Variants in PRKG1 observed in about 807,000 individuals in gnomAD.
PRKG1 encodes cGMP-dependent protein kinase 1.
PRKG1 carries 35 observed loss-of-function variants against 88.1 expected under a neutral mutation model. The observed-to-expected ratio is 0.40, with a 90% CI of 0.30 to 0.53. PRKG1 has a LOEUF of 0.53. Among genes scored for constraint, PRKG1 ranks in the 20% least tolerant of loss-of-function variants. The pLI, the probability that PRKG1 is intolerant of heterozygous loss-of-function variation, is 0.59. For missense variants in PRKG1, 540 were observed against 839.8 expected, an observed-to-expected ratio of 0.64 and a Z score of 4.41; for synonymous variants, 303 against 292.5, an observed-to-expected ratio of 1.04 and a Z score of -0.37.
rs869048560 is a variant in PRKG1 at position 51,819,006 on chromosome 10, C to CAAA, written c.698+14351_698+14353dup. 8.2e-4 allele frequency among the ~76,000 whole-genome samples: 15 copies of CAAA among 18,346 alleles called. 3 individuals carry two copies. Among genetic ancestry groups the CAAA allele is most frequent in the African/African-American group, 2.5e-3 (3 of 1,182 alleles). The allele number at this position is 18,346 out of a possible 152,430, so 12.0% of individuals were successfully genotyped here. Reference sequence around the variant, plus strand: ...TGGGCGACAGAGCGAGACTCCGTCTCAAAAAAAAAAAAAAAAAAAAAAAAA... The same window carrying CAAA: ...TGGGCGACAGAGCGAGACTCCGTCTCAAAAAAAAAAAAAAAAAAAAAAAAAAAA... On this transcript the variant is annotated intron_variant, in intron 4 of 17. Coordinates refer to ENST00000373980, the MANE Select transcript of PRKG1 (RefSeq NM_006258.4).
chr10:51,077,587 A>G (rs1843989781), intron 1 of PRKG1, among the ~76,000 whole-genome samples: 2 of 152,196 alleles, frequency 1.3e-5, no homozygotes, highest in South Asian at 4.1e-4. Flanking sequence ...ATGTAAATTA[A>G]CTTAATAACT....
intron 2 of PRKG1, among the ~76,000 whole-genome samples, chr10:51,284,662 G>A (rs1041814311): frequency 3.3e-5 from 5 of 152,076 alleles, no homozygotes; most frequent in African/African-American, 4.8e-5. Context: ...TAGCTTGGAA[G>A]CAAAAATACA....
chr10:51,972,102 T>A (rs1030309368), intron 5 of PRKG1, among the ~76,000 whole-genome samples: 2 of 152,150 alleles, frequency 1.3e-5, no homozygotes, highest in African/African-American at 4.8e-5. Context: ...CTGAAGTTAG[T>A]GCATGTTTTT....
intron 2 of PRKG1, among the ~76,000 whole-genome samples, chr10:51,240,678 A>G (rs576597996): frequency 1.3e-5 from 2 of 152,304 alleles, no homozygotes; most frequent in South Asian, 4.1e-4. Flanking sequence ...AGGGACCTGT[A>G]AAATATCAAA....
intron 3 of PRKG1, among the ~76,000 whole-genome samples, chr10:51,792,988 T>C (rs1838907861): frequency 6.6e-6 from 1 of 151,858 alleles, no homozygotes. Flanking sequence ...GACATTGCTG[T>C]ATAACCACAG....
At chr10:51,102,651 G>T (rs537420800) in intron 1 of PRKG1, among the ~76,000 whole-genome samples, 4 of 152,218 alleles carry the variant, frequency 2.6e-5, no homozygotes, top group East Asian at 3.9e-4. Context: ...AAACTCTAAA[G>T]GTTTTGACAT....
chr10:51,397,427 G>A (rs1278694276), intron 2 of PRKG1, among the ~76,000 whole-genome samples: 1 of 152,056 alleles, frequency 6.6e-6, no homozygotes, highest in Non-Finnish European at 1.5e-5. Context: ...ACCTTTTACA[G>A]GTTCACTAAA....
At chr10:51,150,429 A>G (rs917801123) in intron 1 of PRKG1, among the ~76,000 whole-genome samples, 3 of 152,278 alleles carry the variant, frequency 2.0e-5, no homozygotes, top group South Asian at 2.1e-4. Context: ...TCAGTCCTCA[A>G]TAGGAAAGGA....
chr10:51,920,918 C>T (rs1438328242), intron 5 of PRKG1, among the ~76,000 whole-genome samples: 1 of 152,076 alleles, frequency 6.6e-6, no homozygotes, highest in Admixed American at 6.6e-5. Context: ...CTATTTTTAA[C>T]ATGTTGCACT....
chr10:51,187,162 T>G (rs992148935), intron 2 of PRKG1, among the ~76,000 whole-genome samples: 8 of 151,610 alleles, frequency 5.3e-5, no homozygotes, highest in African/African-American at 1.9e-4. Flanking sequence ...TAATCTTGGC[T>G]TGGTATGAAT....
chr10:51,562,956 T>TATTTG (rs1554821916), intron 3 of PRKG1, among the ~76,000 whole-genome samples: 26 of 151,174 alleles, frequency 1.7e-4, no homozygotes, highest in Admixed American at 9.9e-4. Context: ...ATTTTTATTT[T>TATTTG]TATTTTAAAG....
intron 2 of PRKG1, among the ~76,000 whole-genome samples, chr10:51,153,842 G>A (rs1440016665): frequency 6.6e-6 from 1 of 152,030 alleles, no homozygotes; most frequent in East Asian, 1.9e-4. Context: ...AGGAATGATA[G>A]CTTGTTTCAT....
At chr10:51,047,135 G>T (rs1843499791) in intron 1 of PRKG1, among the ~76,000 whole-genome samples, 1 of 152,080 alleles carries the variant, frequency 6.6e-6, no homozygotes, top group African/African-American at 2.4e-5. Context: ...GTCACTTATT[G>T]GTCTTTTAGC....
At chr10:52,091,663 G>C (rs1396439229) in intron 7 of PRKG1, among the ~76,000 whole-genome samples, 1 of 152,196 alleles carries the variant, frequency 6.6e-6, no homozygotes, top group Non-Finnish European at 1.5e-5. Flanking sequence ...TCATCAGTGG[G>C]TTAAACAGTC....
intron 3 of PRKG1, among the ~76,000 whole-genome samples, chr10:51,514,742 G>C (rs1157013619): frequency 6.6e-6 from 1 of 152,230 alleles, no homozygotes; most frequent in African/African-American, 2.4e-5. Flanking sequence ...TTCAGGAAGA[G>C]ATGGTCAAGA....
intron 3 of PRKG1, among the ~76,000 whole-genome samples, chr10:51,548,017 A>G (rs563256022): frequency 6.6e-6 from 1 of 152,226 alleles, no homozygotes; most frequent in East Asian, 1.9e-4. Flanking sequence ...CTTAATAGTT[A>G]TCCGTACAAA....
chr10:51,767,763 T>C (rs577910828), intron 3 of PRKG1, among the ~76,000 whole-genome samples: 1 of 152,294 alleles, frequency 6.6e-6, no homozygotes, highest in African/African-American at 2.4e-5. Context: ...CATCATTTTA[T>C]TAGAGGCAAA....
At chr10:51,568,052 C>G (rs922050784) in intron 3 of PRKG1, among the ~76,000 whole-genome samples, 1 of 151,946 alleles carries the variant, frequency 6.6e-6, no homozygotes, top group Non-Finnish European at 1.5e-5. Context: ...GGCTGCTAAT[C>G]TGGAAAGAGA....
At chr10:51,309,865 T>C (rs778686496) in intron 2 of PRKG1, among the ~76,000 whole-genome samples, 4 of 152,174 alleles carry the variant, frequency 2.6e-5, no homozygotes, top group East Asian at 1.9e-4. Flanking sequence ...CTACAGATGA[T>C]TGGATAAAGA....
Sources: allele counts gnomAD v4.1 joint callset (sites outside exome capture counted in the v4.1 genomes callset), GRCh38; gene constraint gnomAD v4.1.1; transcripts MANE v1.5; gene names NCBI Gene and HGNC (gene_info 2026-07-23, HGNC 2026-07-21).